Variants in SYTL3 observed in about 807,000 individuals in gnomAD.
SYTL3 encodes synaptotagmin-like protein 3.
A neutral mutation model predicts 82.1 loss-of-function variants in SYTL3; 88 were observed. The ratio of observed to expected loss-of-function variants is 1.07; its 90% CI spans 0.90 to 1.28. SYTL3 has a LOEUF of 1.28. Among genes scored for constraint, SYTL3 ranks in the 50% most tolerant of loss-of-function variants. SYTL3 has a pLI of 0.00. For synonymous variants in SYTL3, 311 were observed against 289.4 expected, an observed-to-expected ratio of 1.07 and a Z score of -0.76; for missense variants, 831 against 757.6, an observed-to-expected ratio of 1.10 and a Z score of -1.14.
chr6:158,745,528 G>T lies in SYTL3; in HGVS notation c.904G>T (p.Asp302Tyr). ...DSTCTEMGNF[D>Y]NANVTGEIEF... The stretch of plus-strand genomic sequence containing the variant: ...CACCTGTACAGAGATGGGCAATTTT[G>T]ACAATGCTAATGTCACTGGAGAAAT... The change falls in exon 12 of 18, where the codon GAC (aspartate) becomes TAC (tyrosine). Residue 302 changes from aspartate to tyrosine, a missense_variant. Transcript: ENST00000611299. 1 of 1,613,418 alleles carries T rather than the reference G, an allele frequency of 6.2e-7. No individual in the cohort carries two copies. The highest frequency in any genetic ancestry group is 8.5e-7 in the Non-Finnish European group (1 of 1,179,892).
Position 158,764,486 on chromosome 6 carries a change from C to T in SYTL3, c.1724-9C>T, listed in dbSNP as rs778902014. 3 of 1,607,834 alleles carry T rather than the reference C, an allele frequency of 1.9e-6. No homozygotes were observed. Among genetic ancestry groups the T allele is most frequent in the Non-Finnish European group, 1.7e-6 (2 of 1,174,818 alleles). ...CCGACCATGGCTAAATTGTCTTCCTCTCTTACAGAGGGAGACACAGCTGTT... is the reference window on the plus strand; with the variant it reads ...CCGACCATGGCTAAATTGTCTTCCTTTCTTACAGAGGGAGACACAGCTGTT... On this transcript the variant is annotated splice_polypyrimidine_tract_variant and intron_variant, in intron 17 of 17. Coordinates refer to ENST00000611299, the MANE Select transcript of SYTL3 (RefSeq NM_001242394.2).
chr6:158,674,110 AATAATAATAATG>A (rs1247209679), intron 5 of SYTL3, among the ~76,000 whole-genome samples: 1 of 137,110 alleles, frequency 7.3e-6, no homozygotes, highest in Non-Finnish European at 1.6e-5. Context: ...TAATAATAAT[AATAATAATAATG>A]ATGATGATGA....
chr6:158,701,534 T>C (rs1226943706), intron 6 of SYTL3, among the ~76,000 whole-genome samples: 2 of 118,930 alleles, frequency 1.7e-5, no homozygotes, highest in African/African-American at 3.7e-5. Context: ...GGGGTGTAGA[T>C]GAAGAGCTGT....
rs1275838352 is a variant in SYTL3, at chr6:158,764,718, C to G, written c.*114C>G. ...GGAGACCCCTTTGACCTTGAGCAGTCTCCATCTGCGGCCCTGTCCCATGGC... is the reference window on the plus strand; with the variant it reads ...GGAGACCCCTTTGACCTTGAGCAGTGTCCATCTGCGGCCCTGTCCCATGGC... On this transcript the variant is annotated 3_prime_UTR_variant, in exon 18 of 18. Transcript: ENST00000611299. 2 of 708,542 alleles carry G rather than the reference C, an allele frequency of 2.8e-6. No individual in the cohort carries two copies. The highest frequency in any genetic ancestry group is 5.0e-6 in the Non-Finnish European group (2 of 398,586). The allele number at this position is 708,542 out of a possible 1,614,324, so 43.9% of individuals were successfully genotyped here. A position where few individuals can be genotyped will look rare whatever the true frequency, so the allele number is the denominator to read the frequency against.
chr6:158,648,613 T>A (rs911239781), upstream of SYTL3, among the ~76,000 whole-genome samples: 411 of 143,288 alleles, frequency 2.9e-3, 1 homozygote, highest in African/African-American at 4.0e-3. Context: ...AAAAAAATAA[T>A]AATAATAATA....
At chr6:158,761,301 CTTTTTTTTTT>C (rs11463987) in intron 15 of SYTL3, among the ~76,000 whole-genome samples, 1 of 93,888 alleles carries the variant, frequency 1.1e-5, no homozygotes, top group South Asian at 3.6e-4. Flanking sequence ...ATGCACATTT[CTTTTTTTTTT>C]TTTTTTTTTG....
At position 158,707,226 on chromosome 6, in the gene SYTL3, G is replaced by T; in HGVS notation, c.395-4G>T. The T allele has an allele frequency of 1.2e-6, 2 of 1,613,610 alleles. No individual in the cohort carries two copies. Among genetic ancestry groups the T allele is most frequent in the Non-Finnish European group, 1.7e-6 (2 of 1,179,976 alleles). On this transcript the variant is annotated splice_region_variant and splice_polypyrimidine_tract_variant and intron_variant, in intron 6 of 17. Coordinates refer to ENST00000611299, the MANE Select transcript of SYTL3 (RefSeq NM_001242394.2). ...TAAACGCCCTCTATGGATATCTCTC[G>T]CAGGCAAACATGAGACAGTTGGAGG... is the stretch of plus-strand genomic sequence containing the variant.
At chr6:158,735,742 G>C (rs1038539) in intron 11 of SYTL3, among the ~76,000 whole-genome samples, 32 of 152,208 alleles carry the variant, frequency 2.1e-4, no homozygotes, top group African/African-American at 6.5e-4. Context: ...AGGCAAATCA[G>C]TGCAAAATTA....
intron 11 of SYTL3, among the ~76,000 whole-genome samples, chr6:158,733,822 G>T (rs962462135): frequency 1.1e-4 from 17 of 150,916 alleles, no homozygotes; most frequent in African/African-American, 4.1e-4. Flanking sequence ...TTTTGGCCGG[G>T]CGCGGTGGCT....
chr6:158,735,050 C>T (rs1785956797), intron 11 of SYTL3, among the ~76,000 whole-genome samples: 1 of 152,130 alleles, frequency 6.6e-6, no homozygotes, highest in Non-Finnish European at 1.5e-5. Flanking sequence ...TCACACTATC[C>T]CACAGGCGTT....
chr6:158,686,353 C>T (rs1271608320), intron 6 of SYTL3, among the ~76,000 whole-genome samples: 1 of 152,110 alleles, frequency 6.6e-6, no homozygotes, highest in African/African-American at 2.4e-5. Flanking sequence ...CCAGAAAAGC[C>T]CTAACTTTCC....
intron 13 of SYTL3, among the ~76,000 whole-genome samples, chr6:158,754,869 G>A (rs1413455732): frequency 6.6e-6 from 1 of 152,248 alleles, no homozygotes; most frequent in Admixed American, 6.5e-5. Context: ...CTGCCTGGGG[G>A]CCCGAGCCCG....
intron 5 of SYTL3, among the ~76,000 whole-genome samples, chr6:158,669,121 T>G (rs2128377858): frequency 6.6e-6 from 1 of 152,288 alleles, no homozygotes; most frequent in East Asian, 1.9e-4. Flanking sequence ...ATGGTAACAA[T>G]TATGTTGAAA....
chr6:158,749,730 C>T (rs1788160210), intron 12 of SYTL3, among the ~76,000 whole-genome samples: 1 of 152,054 alleles, frequency 6.6e-6, no homozygotes, highest in South Asian at 2.1e-4. Flanking sequence ...TCATGCAATC[C>T]TTCCGCCTTG....
intron 11 of SYTL3, among the ~76,000 whole-genome samples, chr6:158,741,218 C>T (rs1006833548): frequency 5.3e-5 from 8 of 152,112 alleles, no homozygotes; most frequent in African/African-American, 1.7e-4. Flanking sequence ...CACAGGTGTG[C>T]ACCACCGCGC....
intron 4 of SYTL3, among the ~76,000 whole-genome samples, chr6:158,664,403 G>T (rs1583155150): frequency 6.6e-6 from 1 of 152,064 alleles, no homozygotes; most frequent in East Asian, 1.9e-4. Flanking sequence ...AAATTAGCCG[G>T]GCGGTGGCAG....
intron 8 of SYTL3, among the ~76,000 whole-genome samples, chr6:158,711,499 C>T (rs767594749): frequency 6.6e-6 from 1 of 152,162 alleles, no homozygotes; most frequent in African/African-American, 2.4e-5. Context: ...TGACTCAGTC[C>T]AAGTCCCAAG....
chr6:158,647,624 A>T (rs540032362), upstream of SYTL3, among the ~76,000 whole-genome samples: 2 of 152,384 alleles, frequency 1.3e-5, no homozygotes, highest in South Asian at 2.1e-4. Flanking sequence ...AGGAATTTAA[A>T]ATCGTTAAGA....
intron 16 of SYTL3, 140 bp downstream of exon 16, chr6:158,762,318 A>T (rs761690150): frequency 1.6e-6 from 1 of 640,900 alleles, no homozygotes; most frequent in Non-Finnish European, 2.6e-6. Flanking sequence ...CTAACAACAC[A>T]TATTAAAGAC....
Sources: allele counts gnomAD v4.1 joint callset (sites outside exome capture counted in the v4.1 genomes callset), GRCh38; gene constraint gnomAD v4.1.1; transcripts MANE v1.5; gene names NCBI Gene and HGNC (gene_info 2026-07-23, HGNC 2026-07-21).